Variants in JADE1 observed in about 807,000 individuals in gnomAD.
JADE1 encodes the protein protein Jade-1.
Under a neutral mutation model 81.8 loss-of-function variants are expected in JADE1, and 14 were observed. That is an observed-to-expected ratio of 0.17 (90% CI 0.11 to 0.27). JADE1 has a LOEUF of 0.27. Among genes scored for constraint, JADE1 ranks in the 10% least tolerant of loss-of-function variants. JADE1 has a pLI of 1.00. For missense variants in JADE1, 690 were observed against 1,047.9 expected, an observed-to-expected ratio of 0.66 and a Z score of 4.71; for synonymous variants, 353 against 391.9, an observed-to-expected ratio of 0.90 and a Z score of 1.17.
At chr4:128,851,174 A>G (rs1284976854) in intron 5 of JADE1, among the ~76,000 whole-genome samples, 1 of 152,172 alleles carries the variant, frequency 6.6e-6, no homozygotes, top group African/African-American at 2.4e-5. Flanking sequence ...CAAATGATCT[A>G]CCTGCAAAGT....
intron 7 of JADE1, among the ~76,000 whole-genome samples, chr4:128,856,686 A>T (rs1213960294): frequency 6.6e-6 from 1 of 152,222 alleles, no homozygotes. Context: ...TTGCTATTCA[A>T]ATTCCAGCAT....
intron 1 of JADE1, among the ~76,000 whole-genome samples, chr4:128,819,753 A>G (rs1473494030): frequency 6.6e-6 from 1 of 152,232 alleles, no homozygotes; most frequent in Non-Finnish European, 1.5e-5. Context: ...ACTGTTGTTC[A>G]TTGATTACAT....
intron 10 of JADE1, among the ~76,000 whole-genome samples, chr4:128,868,543 G>T (rs1216633261): frequency 6.6e-6 from 1 of 151,988 alleles, no homozygotes; most frequent in Non-Finnish European, 1.5e-5. Flanking sequence ...ATATTGCCCT[G>T]GGCTAGGCAA....
At chr4:128,845,712 C>T (rs1192071557) in intron 3 of JADE1, among the ~76,000 whole-genome samples, 1 of 152,036 alleles carries the variant, frequency 6.6e-6, no homozygotes, top group African/African-American at 2.4e-5. Context: ...GTCCTGACCT[C>T]AATGGTTTGA....
intron 9 of JADE1, among the ~76,000 whole-genome samples, chr4:128,866,718 A>G (rs1439658297): frequency 6.6e-6 from 1 of 152,194 alleles, no homozygotes; most frequent in Admixed American, 6.5e-5. Flanking sequence ...ATAATGGGAT[A>G]TTTTTAGGAA....
At position 128,871,720 on chromosome 4, in the gene JADE1, C is replaced by T. The variant is rs763278224; in HGVS notation, c.1987C>T (p.Arg663Cys). 7.4e-6 allele frequency: 12 copies of T among 1,613,974 alleles called. No homozygotes were observed. The highest frequency in any genetic ancestry group is 1.1e-5 in the South Asian group (1 of 91,036). ...MPDHGKRRDN[R>C]FHCDLIKGDL... ...AGACCATGGGAAAAGAAGAGACAAT[C>T]GTTTTCATTGTGATCTCATTAAAGG... The change falls in exon 11 of 11, where the codon CGT becomes TGT. Residue 663 changes from arginine (R) to cysteine (C), a missense_variant. Transcript: ENST00000226319. The surrounding 1 kb of genome is among the most constrained non-coding windows in gnomAD (Gnocchi z 4.1).
chr4:128,844,568 T>TA (rs1213895052), intron 3 of JADE1, among the ~76,000 whole-genome samples: 1 of 152,176 alleles, frequency 6.6e-6, no homozygotes, highest in Admixed American at 6.5e-5. Context: ...TTATATCAGT[T>TA]AGTTGGAATA....
At chr4:128,825,510 C>T (rs569762929) in intron 1 of JADE1, among the ~76,000 whole-genome samples, 68 of 152,292 alleles carry the variant, frequency 4.5e-4, no homozygotes, top group African/African-American at 1.5e-3. Flanking sequence ...GAATCTATTG[C>T]ATGCAGATTT....
At chr4:128,825,486 A>G (rs1340861961) in intron 1 of JADE1, among the ~76,000 whole-genome samples, 1 of 152,220 alleles carries the variant, frequency 6.6e-6, no homozygotes, top group Non-Finnish European at 1.5e-5. Flanking sequence ...GTTCCTTCAC[A>G]TAGTGGCTCC....
chr4:128,848,519 T>C (rs1222237239), intron 4 of JADE1, among the ~76,000 whole-genome samples: 1 of 152,146 alleles, frequency 6.6e-6, no homozygotes, highest in Non-Finnish European at 1.5e-5. Context: ...CTCTTTTTTT[T>C]TGTGAGGTGT....
rs529261421 is a variant in JADE1 at position 128,846,118 on chromosome 4, G to A, written c.139-257G>A. Among the ~76,000 whole-genome samples, 1 of 152,192 alleles carries A rather than the reference G, an allele frequency of 6.6e-6. No homozygotes were observed. The highest frequency in any genetic ancestry group is 2.1e-4 in the South Asian group (1 of 4,820). On this transcript the variant is annotated intron_variant, in intron 3 of 10. Transcript: ENST00000226319. This position sits in a 1 kb window ranked among gnomAD's most constrained non-coding sequence, Gnocchi z 4.0. ...TCAGAGGCGGACAACAAGATTTTTT[G>A]TTGTTTTTGTTGACGTTGTTGTGGA...
intron 10 of JADE1, among the ~76,000 whole-genome samples, chr4:128,869,697 A>G (rs1223754598): frequency 6.6e-6 from 1 of 152,244 alleles, no homozygotes; most frequent in Admixed American, 6.5e-5. Context: ...GCTGTAATGT[A>G]GATCTGCATT....
At chr4:128,858,688 C>T (rs796073554) in intron 8 of JADE1, among the ~76,000 whole-genome samples, 7 of 151,730 alleles carry the variant, frequency 4.6e-5, no homozygotes, top group African/African-American at 1.7e-4. Context: ...CTGCAACCTC[C>T]GCCTCCCGGG....
Position 128,846,488 on chromosome 4 carries a change from C to T in JADE1, c.252C>T (p.Val84=). Residue 84 remains valine, a synonymous_variant, in exon 4 of 11, where the codon GTC becomes GTT. Coordinates refer to ENST00000226319, the MANE Select transcript of JADE1 (RefSeq NM_199320.4). This position sits in a 1 kb window ranked among gnomAD's most constrained non-coding sequence, Gnocchi z 4.0. The stretch of plus-strand genomic sequence containing the variant: ...GGAGACAGGAATGGGAGAAAGGGGT[C>T]CAGGTGCCTGTGAGCCCGGGGACCA... ...DPWRQEWEKG[V]QVPVSPGTIP... The T allele has an allele frequency of 6.2e-7, 1 of 1,614,136 alleles. No individual in the cohort carries two copies. Among genetic ancestry groups the T allele is most frequent in the South Asian group, 1.1e-5 (1 of 91,078 alleles).
rs374476114 is a variant in JADE1, at chr4:128,849,078, G to A, written c.395G>A (p.Arg132Gln). Residue 132 changes from arginine (R) to glutamine (Q), a missense_variant, in exon 5 of 11, where the codon CGG (arginine) becomes CAG (glutamine). Arg to Gln is a conservative substitution (Grantham distance 43, BLOSUM62 1). Transcript: ENST00000226319. Reference protein sequence around the residue: ...EPPELGYVDIRTLADSVCRYD... With the variant: ...EPPELGYVDIQTLADSVCRYD... ...CCCGAGTTGGGCTATGTGGACATCC[G>A]GACGCTGGCTGACAGCGTGTGTCGC... 99 of 1,614,138 alleles carry A rather than the reference G, an allele frequency of 6.1e-5. 3 individuals are homozygous for A. The South Asian group carries it at 8.8e-4, about 14-fold the overall frequency.
At chr4:128,854,317 A>T (rs1488463780) in intron 6 of JADE1, among the ~76,000 whole-genome samples, 1 of 151,878 alleles carries the variant, frequency 6.6e-6, no homozygotes, top group African/African-American at 2.4e-5. Context: ...CCTTTGAGAA[A>T]TCCTTCATGG....
At chr4:128,853,428 A>G (rs1200226351) in intron 6 of JADE1, among the ~76,000 whole-genome samples, 1 of 152,148 alleles carries the variant, frequency 6.6e-6, no homozygotes, top group Non-Finnish European at 1.5e-5. Flanking sequence ...CCTGAAGACG[A>G]TTTCCTGTCT....
chr4:128,850,077 T>C (rs1730218241), intron 5 of JADE1, among the ~76,000 whole-genome samples: 1 of 152,056 alleles, frequency 6.6e-6, no homozygotes. Context: ...GCAGATCACC[T>C]GAGGTCAGGA....
chr4:128,840,664 C>G (rs1320520949), intron 2 of JADE1, among the ~76,000 whole-genome samples: 4 of 152,322 alleles, frequency 2.6e-5, no homozygotes, highest in East Asian at 3.9e-4. Flanking sequence ...AGGTTCCTAA[C>G]TTGGCGTCTG....
Sources: allele counts gnomAD v4.1 joint callset (sites outside exome capture counted in the v4.1 genomes callset), GRCh38; gene constraint gnomAD v4.1.1; non-coding constraint Gnocchi (gnomAD v3.1); transcripts MANE v1.5; gene names NCBI Gene and HGNC (gene_info 2026-07-23, HGNC 2026-07-21).